The following ST6GALNAC3 variants were observed in gnomAD, a reference collection of about 807,000 sequenced individuals.
ST6GALNAC3 encodes ST6 N-acetylgalactosaminide alpha-2,6-sialyltransferase 3.
ST6GALNAC3 carries 25 observed loss-of-function variants against 32.7 expected under a neutral mutation model. The ratio of observed to expected loss-of-function variants is 0.76; its 90% CI spans 0.56 to 1.07. ST6GALNAC3 has a LOEUF of 1.07. ST6GALNAC3 is among the 50% of genes least tolerant of loss of function. The probability of loss-of-function intolerance (pLI) is 0.00; values close to 1 mark genes in which losing one functional copy is unlikely to be tolerated. For missense variants in ST6GALNAC3, 355 were observed against 382.4 expected, an observed-to-expected ratio of 0.93 and a Z score of 0.60; for synonymous variants, 129 against 133.1, an observed-to-expected ratio of 0.97 and a Z score of 0.21.
intron 3 of ST6GALNAC3, among the ~76,000 whole-genome samples, chr1:76,441,054 C>A (rs1402059551): frequency 1.4e-5 from 2 of 138,162 alleles, no homozygotes; most frequent in African/African-American, 5.4e-5. Flanking sequence ...TGCCACTGCA[C>A]TCCAGCCTGG....
chr1:76,124,036 C>T (rs1649071434), intron 1 of ST6GALNAC3, among the ~76,000 whole-genome samples: 1 of 152,186 alleles, frequency 6.6e-6, no homozygotes, highest in South Asian at 2.1e-4. Flanking sequence ...CAGGCATGAG[C>T]CACCATGCCC....
chr1:76,216,374 G>T (rs958756435), intron 1 of ST6GALNAC3, among the ~76,000 whole-genome samples: 2 of 152,198 alleles, frequency 1.3e-5, no homozygotes, highest in African/African-American at 4.8e-5. Context: ...GGATGTGTTT[G>T]CCAATGTATC....
At chr1:76,566,749 T>A (rs937131265) in intron 3 of ST6GALNAC3, among the ~76,000 whole-genome samples, 10 of 152,232 alleles carry the variant, frequency 6.6e-5, no homozygotes, top group African/African-American at 2.4e-4. Context: ...TACATTGTGA[T>A]AATTTCTTTT....
chr1:76,627,070 A>T (rs911179688), intron 3 of ST6GALNAC3, among the ~76,000 whole-genome samples: 2 of 152,010 alleles, frequency 1.3e-5, no homozygotes, highest in South Asian at 4.2e-4. Flanking sequence ...TTCAGTTCCC[A>T]TCTGGGCTCC....
At chr1:76,345,317 G>A (rs1306843456) in intron 2 of ST6GALNAC3, among the ~76,000 whole-genome samples, 2 of 152,090 alleles carry the variant, frequency 1.3e-5, no homozygotes, top group African/African-American at 4.8e-5. Flanking sequence ...GGAATAGTAA[G>A]GAAGAAAAGA....
At chr1:76,634,889 C>T (rs1307610350), downstream of ST6GALNAC3, among the ~76,000 whole-genome samples, 10 of 43,406 alleles carry the variant, frequency 2.3e-4, 3 homozygotes, top group African/African-American at 1.8e-3. Context: ...TTAGTAGAGA[C>T]GGGGTTTCAC....
intron 3 of ST6GALNAC3, among the ~76,000 whole-genome samples, chr1:76,483,528 G>GC (rs1241217205): frequency 6.6e-6 from 1 of 152,128 alleles, no homozygotes; most frequent in Non-Finnish European, 1.5e-5. Flanking sequence ...GTCTTCTTTT[G>GC]AGAAGTGTCT....
chr1:76,525,790 T>TATATATATATATAC (rs1557528677), intron 3 of ST6GALNAC3, among the ~76,000 whole-genome samples: 50 of 80,674 alleles, frequency 6.2e-4, no homozygotes, highest in African/African-American at 2.1e-3. Flanking sequence ...TGTGTGTGTG[T>TATATATATATATAC]GTATATATAT....
rs533515199 is a variant in ST6GALNAC3, at chr1:76,576,791, T to C, written c.624-50661T>C. On this transcript the variant is annotated intron_variant, in intron 3 of 4. Coordinates refer to ENST00000328299, the MANE Select transcript of ST6GALNAC3 (RefSeq NM_152996.4). ...GGTTCTGATAGCTAAAGTAGTGATT[T>C]GCATGTCTAACTAATTTTCTTCTGC... The C allele has an allele frequency of 3.2e-6, 4 of 1,256,406 alleles. No homozygotes were observed. The African/African-American group carries it at 4.6e-5, about 15-fold the overall frequency. The allele number at this position is 1,256,406 out of a possible 1,614,324, so 77.8% of individuals were successfully genotyped here.
intron 2 of ST6GALNAC3, among the ~76,000 whole-genome samples, chr1:76,402,802 T>C (rs1426787599): frequency 6.6e-6 from 1 of 152,140 alleles, no homozygotes; most frequent in Non-Finnish European, 1.5e-5. Context: ...AGTCCTTTCT[T>C]ATAAAGTAAC....
chr1:76,208,047 C>CG (rs1557696977), intron 1 of ST6GALNAC3, among the ~76,000 whole-genome samples: 12 of 55,066 alleles, frequency 2.2e-4, no homozygotes, highest in Non-Finnish European at 5.5e-4. Flanking sequence ...GAGTGCCCCC[C>CG]CCCCCAAAAA....
At chr1:76,556,591 C>T (rs1420119249) in intron 3 of ST6GALNAC3, among the ~76,000 whole-genome samples, 1 of 152,038 alleles carries the variant, frequency 6.6e-6, no homozygotes, top group East Asian at 1.9e-4. Context: ...GGGTATACCT[C>T]ATTATGGCTT....
At chr1:76,619,144 C>T (rs1025514004) in intron 3 of ST6GALNAC3, among the ~76,000 whole-genome samples, 1 of 152,024 alleles carries the variant, frequency 6.6e-6, no homozygotes, top group African/African-American at 2.4e-5. Context: ...TTCCTTCTCC[C>T]AGAAGCTTCA....
At chr1:76,455,473 C>G (rs1416688698) in intron 3 of ST6GALNAC3, among the ~76,000 whole-genome samples, 1 of 152,146 alleles carries the variant, frequency 6.6e-6, no homozygotes, top group Non-Finnish European at 1.5e-5. Flanking sequence ...AGGTTTTTCT[C>G]TAGAGAGACA....
chr1:76,429,962 A>G (rs1655643388), intron 3 of ST6GALNAC3, among the ~76,000 whole-genome samples: 1 of 152,194 alleles, frequency 6.6e-6, no homozygotes, highest in Non-Finnish European at 1.5e-5. Context: ...TAAGTCAACC[A>G]TCACTGCTAC....
intron 1 of ST6GALNAC3, among the ~76,000 whole-genome samples, chr1:76,190,587 C>G (rs901284955): frequency 3.9e-5 from 6 of 152,168 alleles, no homozygotes. Context: ...GCCTGTGGCT[C>G]ACATGGGCTT....
At position 76,620,752 on chromosome 1, in the gene ST6GALNAC3, C is replaced by G. The variant is rs78296624; in HGVS notation, c.624-6700C>G. Among the ~76,000 whole-genome samples, 1,510 of 152,130 alleles carry G rather than the reference C, an allele frequency of 9.9e-3. 23 individuals are homozygous for G. Among genetic ancestry groups the G allele is most frequent in the African/African-American group, 0.034 (1,405 of 41,512 alleles). The stretch of plus-strand genomic sequence containing the variant: ...ACCACCAGACTGGGGACTACGGCCT[C>G]AACATATGAATTTGGGGGAACAAAA... On this transcript the variant is annotated intron_variant, in intron 3 of 4. Coordinates refer to ENST00000328299, the MANE Select transcript of ST6GALNAC3 (RefSeq NM_152996.4).
intron 1 of ST6GALNAC3, among the ~76,000 whole-genome samples, chr1:76,158,422 C>T (rs758420650): frequency 1.5e-4 from 23 of 152,178 alleles, no homozygotes; most frequent in Admixed American, 7.2e-4. Flanking sequence ...CATGAAGGCA[C>T]CTTTATATCT....
chr1:76,101,678 G>A (rs763730288), intron 1 of ST6GALNAC3, among the ~76,000 whole-genome samples: 10 of 152,044 alleles, frequency 6.6e-5, no homozygotes, highest in Non-Finnish European at 1.0e-4. Flanking sequence ...AAATTTTGTC[G>A]TAATGTATTT....
Sources: gnomAD v4.1 joint callset for allele counts (sites outside exome capture counted in the v4.1 genomes callset) on GRCh38, gnomAD v4.1.1 for gene constraint, MANE v1.5 for transcripts, NCBI Gene and HGNC (gene_info 2026-07-23, HGNC 2026-07-21) for gene names.